Variants in MAP7 observed in about 807,000 individuals in gnomAD.
The protein encoded by MAP7 is microtubule associated protein 7, also known as ensconsin.
MAP7 carries 52 observed loss-of-function variants against 94.8 expected under a neutral mutation model. The observed-to-expected ratio is 0.55, with a 90% CI of 0.44 to 0.69. The LOEUF (loss-of-function observed/expected upper bound fraction) is 0.69, where lower values mean the gene tolerates loss of function less well. Among genes scored for constraint, MAP7 ranks in the 30% least tolerant of loss-of-function variants. The probability of loss-of-function intolerance (pLI) is 0.00; values close to 1 mark genes in which losing one functional copy is unlikely to be tolerated. For missense variants in MAP7, 940 were observed against 964.6 expected, an observed-to-expected ratio of 0.97 and a Z score of 0.34; for synonymous variants, 350 against 357.0, an observed-to-expected ratio of 0.98 and a Z score of 0.22.
chr6:136,423,740 C>A (rs868570347), intron 1 of MAP7, among the ~76,000 whole-genome samples: 2,640 of 143,342 alleles, frequency 0.018, 50 homozygotes, highest in African/African-American at 0.049. Flanking sequence ...AAAAAAAAAA[C>A]AAAACCTCAG....
chr6:136,519,599 G>A (rs941878453), intron 1 of MAP7, among the ~76,000 whole-genome samples: 3 of 152,116 alleles, frequency 2.0e-5, no homozygotes, highest in East Asian at 1.9e-4. Context: ...ATTATATTTC[G>A]TTTGGAAACC....
chr6:136,372,246 T>G (rs189808355), intron 8 of MAP7, among the ~76,000 whole-genome samples: 65 of 152,318 alleles, frequency 4.3e-4, no homozygotes, highest in African/African-American at 1.5e-3. Context: ...GGGCGTCCAC[T>G]CATACATGCT....
intron 17 of MAP7, among the ~76,000 whole-genome samples, chr6:136,344,793 C>T (rs1018365858): frequency 2.0e-5 from 3 of 152,194 alleles, no homozygotes; most frequent in African/African-American, 7.2e-5. Flanking sequence ...GGTTCCACTT[C>T]CAAGGTCAGT....
At chr6:136,410,290 G>A (rs1442118768) in intron 3 of MAP7, among the ~76,000 whole-genome samples, 1 of 152,220 alleles carries the variant, frequency 6.6e-6, no homozygotes, top group African/African-American at 2.4e-5. Flanking sequence ...CATACGCATG[G>A]ACTTGAAAAC....
At chr6:136,534,793 C>G (rs1241106299) in intron 1 of MAP7, among the ~76,000 whole-genome samples, 1 of 152,058 alleles carries the variant, frequency 6.6e-6, no homozygotes, top group Non-Finnish European at 1.5e-5. Context: ...CAAATGAACC[C>G]TTTTAATGAG....
At chr6:136,460,472 T>C (rs757137952) in intron 1 of MAP7, among the ~76,000 whole-genome samples, 38 of 152,186 alleles carry the variant, frequency 2.5e-4, no homozygotes, top group Non-Finnish European at 4.1e-4. Context: ...AAAAAGATGA[T>C]TGGAAAACAA....
chr6:136,365,659 A>G (rs1386067401), intron 10 of MAP7, 76 bp downstream of exon 10: 4 of 1,491,552 alleles, frequency 2.7e-6, no homozygotes, highest in Middle Eastern at 1.8e-4. Context: ...AAGAAAAGGA[A>G]AACAAAAAAA....
At chr6:136,418,497 G>C (rs538613678) in intron 2 of MAP7, among the ~76,000 whole-genome samples, 48 of 152,326 alleles carry the variant, frequency 3.2e-4, no homozygotes, top group African/African-American at 1.1e-3. Context: ...TTACAGGCGT[G>C]AGCCACCGGC....
At chr6:136,427,433 G>A (rs997466547) in intron 1 of MAP7, among the ~76,000 whole-genome samples, 2 of 152,232 alleles carry the variant, frequency 1.3e-5, no homozygotes, top group Non-Finnish European at 2.9e-5. Flanking sequence ...CATGCCTACA[G>A]GTATTGTGTC....
intron 3 of MAP7, among the ~76,000 whole-genome samples, chr6:136,393,978 A>AATAT (rs1554242697): frequency 2.8e-5 from 1 of 36,204 alleles, no homozygotes; most frequent in African/African-American, 7.4e-5. Context: ...CAGCAAAGGT[A>AATAT]TTTTTTTTTT....
intron 16 of MAP7, among the ~76,000 whole-genome samples, chr6:136,352,925 CAGA>C (rs1373235404): frequency 6.6e-6 from 1 of 152,172 alleles, no homozygotes; most frequent in African/African-American, 2.4e-5. Context: ...GGCAAAAATA[CAGA>C]TTGTTTCAAG....
chr6:136,381,116 T>C (rs945653378), intron 6 of MAP7, among the ~76,000 whole-genome samples: 19 of 152,232 alleles, frequency 1.2e-4, no homozygotes, highest in African/African-American at 4.3e-4. Flanking sequence ...TAATAAAGTA[T>C]AACTAACTTT....
At chr6:136,454,304 T>TATCTATCTATCC (rs1193893619) in intron 1 of MAP7, among the ~76,000 whole-genome samples, 1 of 151,814 alleles carries the variant, frequency 6.6e-6, no homozygotes, top group Non-Finnish European at 1.5e-5. Flanking sequence ...TCTATCTATC[T>TATCTATCTATCC]ATCTATCTAT....
At chr6:136,496,382 T>TTTCAATTTAGTCATATATAAAG (rs1408793316) in intron 1 of MAP7, among the ~76,000 whole-genome samples, 2 of 151,204 alleles carry the variant, frequency 1.3e-5, no homozygotes, top group African/African-American at 4.9e-5. Flanking sequence ...GAGCTTCATG[T>TTTCAATTTAGTCATATATAAAG]GAAAACTACA....
chr6:136,388,565 C>T, intron 4 of MAP7, 55 bp from the exon 5 acceptor site: 1 of 1,438,860 alleles, frequency 6.9e-7, no homozygotes, highest in Non-Finnish European at 9.8e-7. Context: ...TTTGAAGCTT[C>T]TTCAATTTAA....
At chr6:136,518,182 C>T (rs1562481913) in intron 1 of MAP7, among the ~76,000 whole-genome samples, 1 of 152,090 alleles carries the variant, frequency 6.6e-6, no homozygotes, top group African/African-American at 2.4e-5. Context: ...TTTATTAGGC[C>T]TGCAACTTTA....
chr6:136,468,209 T>A (rs1807765976), intron 1 of MAP7, among the ~76,000 whole-genome samples: 2 of 152,164 alleles, frequency 1.3e-5, no homozygotes, highest in Admixed American at 6.5e-5. Context: ...TTTCTTTTTA[T>A]CCTTCTTATG....
intron 1 of MAP7, among the ~76,000 whole-genome samples, chr6:136,478,229 C>A (rs1340435754): frequency 2.0e-5 from 3 of 151,994 alleles, no homozygotes; most frequent in Non-Finnish European, 2.9e-5. Flanking sequence ...TTGTACAGAA[C>A]AAGAATAGCA....
intron 13 of MAP7, among the ~76,000 whole-genome samples, chr6:136,360,269 C>G (rs941161126): frequency 2.0e-5 from 3 of 152,102 alleles, no homozygotes; most frequent in Non-Finnish European, 2.9e-5. Context: ...CCTCAGTCTC[C>G]CAGGTAGCTG....
Sources: allele counts gnomAD v4.1 joint callset (sites outside exome capture counted in the v4.1 genomes callset), GRCh38; gene constraint gnomAD v4.1.1; transcripts MANE v1.5; gene names NCBI Gene and HGNC (gene_info 2026-07-23, HGNC 2026-07-21).